TM9SF3: variants seen among roughly 807,000 people sequenced by gnomAD.
TM9SF3 encodes the protein transmembrane 9 superfamily member 3.
Under a neutral mutation model 78.6 loss-of-function variants are expected in TM9SF3, and 14 were observed. That is an observed-to-expected ratio of 0.18 (90% CI 0.12 to 0.28). The LOEUF (loss-of-function observed/expected upper bound fraction) is 0.28, where lower values mean the gene tolerates loss of function less well. TM9SF3 is among the 10% of genes least tolerant of loss of function. TM9SF3 has a pLI of 1.00. For synonymous variants in TM9SF3, 231 were observed against 241.7 expected, an observed-to-expected ratio of 0.96 and a Z score of 0.41; for missense variants, 496 against 721.9, an observed-to-expected ratio of 0.69 and a Z score of 3.59.
At chr10:96,556,069 C>A (rs1479795479) in intron 5 of TM9SF3, among the ~76,000 whole-genome samples, 1 of 151,982 alleles carries the variant, frequency 6.6e-6, no homozygotes. Context: ...TTGTAATATT[C>A]CTTTATTCTA....
intron 1 of TM9SF3, 96 bp from the exon 2 acceptor site, chr10:96,576,925 T>C (rs2134160245): frequency 1.1e-6 from 1 of 946,594 alleles, no homozygotes; most frequent in Non-Finnish European, 1.5e-6. Context: ...AAGTGCATCA[T>C]CTCTGTTCAG....
At chr10:96,583,366 G>A (rs969340447) in intron 1 of TM9SF3, among the ~76,000 whole-genome samples, 4 of 152,202 alleles carry the variant, frequency 2.6e-5, no homozygotes, top group Admixed American at 6.5e-5. Flanking sequence ...TTCAGGGCAC[G>A]TGCCCATGAA....
At chr10:96,543,639 A>G (rs2031329) in intron 9 of TM9SF3, 89,610 of 152,340 alleles carry the variant, frequency 0.59, 28,065 homozygotes, top group East Asian at 0.83. Flanking sequence ...CGCCTGGCCA[A>G]TGCTTAGTGA....
At position 96,520,084 on chromosome 10, in the gene TM9SF3, C is replaced by A. The variant is rs1284048579; in HGVS notation, c.*2179G>T. 6.6e-6 allele frequency: 1 copy of A among 151,868 alleles called. No individual in the cohort carries two copies. Among genetic ancestry groups the A allele is most frequent in the Non-Finnish European group, 1.5e-5 (1 of 67,820 alleles). 9.4% of individuals were successfully genotyped at this position (151,868 alleles called of 1,614,324 possible). On this transcript the variant is annotated 3_prime_UTR_variant, in exon 15 of 15. Transcript: ENST00000371142. ...TTCATTTTATTAAGACAAAACCTTA[C>A]TGTCCAATTTATACTCCCATCAGAC...
At chr10:96,562,215 A>ATTTTTTT in intron 3 of TM9SF3, 77 bp from the exon 4 acceptor site, 2 of 953,004 alleles carry the variant, frequency 2.1e-6, no homozygotes, top group Non-Finnish European at 2.9e-6. Flanking sequence ...ATGCTCATTA[A>ATTTTTTT]GTTTTTTTTT....
At chr10:96,542,333 T>C (rs1473292239) in intron 9 of TM9SF3, among the ~76,000 whole-genome samples, 1 of 152,180 alleles carries the variant, frequency 6.6e-6, no homozygotes, top group Non-Finnish European at 1.5e-5. Flanking sequence ...CATAATATTG[T>C]AGGAGCCTGC....
intron 1 of TM9SF3, among the ~76,000 whole-genome samples, chr10:96,581,248 TTAA>T (rs1312538211): frequency 2.0e-5 from 3 of 152,062 alleles, no homozygotes; most frequent in Non-Finnish European, 4.4e-5. Flanking sequence ...AGGTAATGAA[TTAA>T]TTATTATCAG....
intron 6 of TM9SF3, 60 bp from the exon 7 acceptor site, chr10:96,551,471 A>C: frequency 8.0e-7 from 1 of 1,247,000 alleles, no homozygotes; most frequent in Non-Finnish European, 1.1e-6. Flanking sequence ...AAACTAAAAC[A>C]TAGTATGTAA....
intron 2 of TM9SF3, among the ~76,000 whole-genome samples, chr10:96,566,475 T>C (rs1379173651): frequency 1.3e-5 from 2 of 152,196 alleles, no homozygotes; most frequent in East Asian, 3.8e-4. Flanking sequence ...TCCCATATTA[T>C]AGACCAACCT....
In TM9SF3 at chr10:96,521,848, CAT is replaced by C. The variant is rs536576178; in HGVS notation, c.*413_*414del. Reference sequence around the variant, plus strand: ...TTTCTGGAACATCATTTTTCAATAACATAGAAACACTAAGTGCCAGGAAGATT... The same window carrying C: ...TTTCTGGAACATCATTTTTCAATAACAGAAACACTAAGTGCCAGGAAGATT... On this transcript the variant is annotated 3_prime_UTR_variant, in exon 15 of 15. Transcript: ENST00000371142. The C allele has an allele frequency of 1.2e-3, 190 of 155,858 alleles. 1 individual carries two copies. Among genetic ancestry groups the C allele is most frequent in the Non-Finnish European group, 2.4e-3 (166 of 70,380 alleles). The allele number at this position is 155,858 out of a possible 1,614,324, so 9.7% of individuals were successfully genotyped here. A position where few individuals can be genotyped will look rare whatever the true frequency, so the allele number is the denominator to read the frequency against.
chr10:96,529,276 A>G (rs1378112803), intron 11 of TM9SF3, among the ~76,000 whole-genome samples: 1 of 152,192 alleles, frequency 6.6e-6, no homozygotes, highest in South Asian at 2.1e-4. Flanking sequence ...GAGTTGGTCC[A>G]TATCTATTTA....
intron 9 of TM9SF3, among the ~76,000 whole-genome samples, chr10:96,537,915 T>C (rs1025373722): frequency 6.6e-6 from 1 of 152,224 alleles, no homozygotes; most frequent in Non-Finnish European, 1.5e-5. Flanking sequence ...TTGAGAGATA[T>C]ACTCTGCTCA....
chr10:96,565,509 A>T (rs1848357500), intron 2 of TM9SF3, 83 bp from the exon 3 acceptor site: 1 of 1,432,416 alleles, frequency 7.0e-7, no homozygotes, highest in Non-Finnish European at 9.2e-7. Context: ...AAAAAAGCCA[A>T]CATTTCCTAC....
At chr10:96,574,806 A>G (rs1209833577) in intron 2 of TM9SF3, among the ~76,000 whole-genome samples, 3 of 152,224 alleles carry the variant, frequency 2.0e-5, no homozygotes, top group Non-Finnish European at 2.9e-5. Flanking sequence ...CATCATTCTC[A>G]GCAAACTAAC....
At chr10:96,548,465 A>G (rs562554092) in intron 7 of TM9SF3, among the ~76,000 whole-genome samples, 1 of 152,318 alleles carries the variant, frequency 6.6e-6, no homozygotes, top group South Asian at 2.1e-4. Context: ...TTTAGATGGA[A>G]TAACACTGAG....
At chr10:96,541,402 G>T (rs1589450410) in intron 9 of TM9SF3, among the ~76,000 whole-genome samples, 1 of 151,432 alleles carries the variant, frequency 6.6e-6, no homozygotes, top group African/African-American at 2.4e-5. Context: ...TTGAGACAGA[G>T]TCTCACTCTG....
chr10:96,535,248 A>C (rs1050352106), intron 9 of TM9SF3, among the ~76,000 whole-genome samples: 8 of 152,234 alleles, frequency 5.3e-5, no homozygotes, highest in Non-Finnish European at 1.0e-4. Context: ...TTAAGCTGTG[A>C]AACCAGTTCC....
At chr10:96,528,928 C>T in intron 11 of TM9SF3, among the ~76,000 whole-genome samples, 1 of 152,106 alleles carries the variant, frequency 6.6e-6, no homozygotes, top group East Asian at 1.9e-4. Context: ...AATGACATGA[C>T]ACCTTAAAAA....
intron 9 of TM9SF3, among the ~76,000 whole-genome samples, chr10:96,538,183 A>T (rs1847981990): frequency 6.6e-6 from 1 of 152,234 alleles, no homozygotes; most frequent in African/African-American, 2.4e-5. Context: ...AAATAGAACA[A>T]ATCAAAATGA....
Sources: gnomAD v4.1 joint callset for allele counts (sites outside exome capture counted in the v4.1 genomes callset) on GRCh38, gnomAD v4.1.1 for gene constraint, MANE v1.5 for transcripts, NCBI Gene and HGNC (gene_info 2026-07-23, HGNC 2026-07-21) for gene names.